RNF144A: variants seen among roughly 807,000 people sequenced by gnomAD.
The protein encoded by RNF144A is ring finger protein 144A, also known as E3 ubiquitin-protein ligase RNF144A.
Under a neutral mutation model 38.7 loss-of-function variants are expected in RNF144A, and 11 were observed. That is an observed-to-expected ratio of 0.28 (90% CI 0.18 to 0.47). The LOEUF is 0.47. Among genes scored for constraint, RNF144A ranks in the 20% least tolerant of loss-of-function variants. The pLI, the probability that RNF144A is intolerant of heterozygous loss-of-function variation, is 0.99. For missense variants in RNF144A, 316 were observed against 377.2 expected (o/e 0.84, Z 1.34); for synonymous variants, 149 against 143.9 (o/e 1.04, Z -0.25).
chr2:7,064,491 G>A (rs961160063), intron 6 of RNF144A, among the ~76,000 whole-genome samples: 5 of 152,216 alleles, frequency 3.3e-5, no homozygotes, highest in African/African-American at 1.2e-4. Context: ...ACTCCACGGG[G>A]AGGCTAACCC....
chr2:7,022,685 A>G (rs1000438070), intron 6 of RNF144A, among the ~76,000 whole-genome samples: 9 of 152,276 alleles, frequency 5.9e-5, no homozygotes, highest in Non-Finnish European at 1.2e-4. Flanking sequence ...CTAAAACCCA[A>G]CCTTGATCAC....
At chr2:6,998,267 C>T (rs988530552) in intron 3 of RNF144A, among the ~76,000 whole-genome samples, 3 of 152,024 alleles carry the variant, frequency 2.0e-5, no homozygotes, top group African/African-American at 7.2e-5. Flanking sequence ...GGATTATAAT[C>T]TGTCACTCGA....
At chr2:6,930,575 A>C (rs532533325) in intron 1 of RNF144A, among the ~76,000 whole-genome samples, 1 of 152,120 alleles carries the variant, frequency 6.6e-6, no homozygotes, top group South Asian at 2.1e-4. Context: ...GTATATACAT[A>C]CATACGTGTA....
chr2:6,999,735 T>G (rs397865), intron 3 of RNF144A, among the ~76,000 whole-genome samples: 124,665 of 152,132 alleles, frequency 0.82, 51,214 homozygotes, highest in South Asian at 0.92. Flanking sequence ...TAGGCAGTCA[T>G]CAGGCCTAGT....
intron 3 of RNF144A, among the ~76,000 whole-genome samples, chr2:6,999,890 A>G (rs912052543): frequency 2.6e-5 from 4 of 152,200 alleles, no homozygotes; most frequent in Non-Finnish European, 4.4e-5. Flanking sequence ...TGGGTTTGCT[A>G]ATGACGGACA....
intron 2 of RNF144A, among the ~76,000 whole-genome samples, chr2:6,978,198 C>T (rs1668426017): frequency 6.6e-6 from 1 of 152,122 alleles, no homozygotes; most frequent in Non-Finnish European, 1.5e-5. Flanking sequence ...CCTAACAGGA[C>T]TTTATGTGTC....
At chr2:6,947,975 G>A (rs1666445915) in intron 2 of RNF144A, among the ~76,000 whole-genome samples, 1 of 152,202 alleles carries the variant, frequency 6.6e-6, no homozygotes, top group Non-Finnish European at 1.5e-5. Context: ...TCACATGTTA[G>A]CTACGGGCTA....
chr2:6,953,770 G>A (rs961322091), intron 2 of RNF144A, among the ~76,000 whole-genome samples: 1 of 152,116 alleles, frequency 6.6e-6, no homozygotes, highest in African/African-American at 2.4e-5. Flanking sequence ...AAGATTGTTT[G>A]CAGTACCTTT....
chr2:7,004,301 G>A (rs977280197), intron 3 of RNF144A, among the ~76,000 whole-genome samples: 2 of 152,196 alleles, frequency 1.3e-5, no homozygotes, highest in Non-Finnish European at 2.9e-5. Context: ...CCATAAGTGG[G>A]GAAAGAGAAG....
intron 2 of RNF144A, among the ~76,000 whole-genome samples, chr2:6,993,027 C>A (rs1669495196): frequency 6.6e-6 from 1 of 152,198 alleles, no homozygotes; most frequent in African/African-American, 2.4e-5. Flanking sequence ...CATTGTGATT[C>A]TCTTAGCATA....
intron 2 of RNF144A, among the ~76,000 whole-genome samples, chr2:6,955,440 C>T (rs1158829948): frequency 6.6e-6 from 1 of 152,138 alleles, no homozygotes; most frequent in Non-Finnish European, 1.5e-5. Flanking sequence ...GGATCAGAGA[C>T]CCGTGGGGAT....
In RNF144A at chr2:6,958,863, T is replaced by C. The variant is rs1232260190; in HGVS notation, c.-12+17716T>C. Among the ~76,000 whole-genome samples, 1 of 152,136 alleles carries C rather than the reference T, an allele frequency of 6.6e-6. No homozygotes were observed. The highest frequency in any genetic ancestry group is 1.5e-5 in the Non-Finnish European group (1 of 68,028). ...GGGAGTGGGCCCTGCTGAAAGGAGCTTGGACACTATTCCAAAGCTTCTCTT... is the reference window on the plus strand; with the variant it reads ...GGGAGTGGGCCCTGCTGAAAGGAGCCTGGACACTATTCCAAAGCTTCTCTT... On this transcript the variant is annotated intron_variant, in intron 2 of 8. Coordinates refer to ENST00000320892, the MANE Select transcript of RNF144A (RefSeq NM_014746.6). The surrounding 1 kb of genome is among the most constrained non-coding windows in gnomAD (Gnocchi z 4.5).
chr2:6,952,028 C>G (rs1232062406), intron 2 of RNF144A, among the ~76,000 whole-genome samples: 1 of 152,002 alleles, frequency 6.6e-6, no homozygotes, highest in East Asian at 1.9e-4. Context: ...ATACGTTTGC[C>G]GCCATATTTT....
chr2:7,051,143 C>G (rs1673506153), intron 6 of RNF144A, among the ~76,000 whole-genome samples: 1 of 152,170 alleles, frequency 6.6e-6, no homozygotes, highest in Non-Finnish European at 1.5e-5. Context: ...GAAGTCAGAG[C>G]AAATTTCTGG....
intron 2 of RNF144A, among the ~76,000 whole-genome samples, chr2:6,971,864 A>G (rs985767513): frequency 2.2e-4 from 33 of 152,218 alleles, no homozygotes; most frequent in African/African-American, 7.7e-4. Flanking sequence ...GTGGGATAAG[A>G]TAGTATACAA....
At chr2:7,071,637 T>C (rs912905655), downstream of RNF144A, among the ~76,000 whole-genome samples, 9 of 152,282 alleles carry the variant, frequency 5.9e-5, no homozygotes, top group African/African-American at 9.6e-5. Context: ...ATTTACTAAT[T>C]ACAAGATAAA....
intron 2 of RNF144A, among the ~76,000 whole-genome samples, chr2:6,968,991 A>G (rs1572293282): frequency 1.3e-5 from 2 of 152,182 alleles, no homozygotes. Context: ...CTCAGGGTGC[A>G]CCCTGGTATA....
intron 1 of RNF144A, among the ~76,000 whole-genome samples, chr2:6,935,308 A>G (rs771300): frequency 0.18 from 27,249 of 152,170 alleles, 2,948 homozygotes; most frequent in Non-Finnish European, 0.24. Flanking sequence ...TTGGTCTTAC[A>G]TTAGATACCC....
At chr2:6,918,193 C>G (rs1482868221) in intron 1 of RNF144A, 1 of 152,308 alleles carries the variant, frequency 6.6e-6, no homozygotes, top group Admixed American at 6.5e-5. Flanking sequence ...GCGGGGTCCG[C>G]GGCTGCTACT....
Sources: gnomAD v4.1 joint callset for allele counts (sites outside exome capture counted in the v4.1 genomes callset) on GRCh38, gnomAD v4.1.1 for gene constraint, Gnocchi (gnomAD v3.1) non-coding constraint, MANE v1.5 for transcripts, NCBI Gene and HGNC (gene_info 2026-07-23, HGNC 2026-07-21) for gene names.